AGAP1: variants seen among roughly 807,000 people sequenced by gnomAD.
AGAP1 encodes arf-GAP with GTPase, ANK repeat and PH domain-containing protein 1.
Under a neutral mutation model 105.3 loss-of-function variants are expected in AGAP1, and 29 were observed. The ratio of observed to expected loss-of-function variants is 0.28; its 90% CI spans 0.21 to 0.38. The LOEUF is 0.38. Among genes scored for constraint, AGAP1 ranks in the 10% least tolerant of loss-of-function variants. The pLI is 1.00. For missense variants in AGAP1, 998 were observed against 1,165.1 expected (o/e 0.86, Z 2.09); for synonymous variants, 509 against 485.9 (o/e 1.05, Z -0.63).
chr2:236,004,919 A>C (rs940980522), intron 13 of AGAP1, among the ~76,000 whole-genome samples: 2 of 152,260 alleles, frequency 1.3e-5, no homozygotes, highest in African/African-American at 4.8e-5. Flanking sequence ...TTAACTTGGC[A>C]GTGTTACTCT....
At chr2:235,638,995 G>A (rs969335191) in intron 1 of AGAP1, among the ~76,000 whole-genome samples, 2 of 152,146 alleles carry the variant, frequency 1.3e-5, no homozygotes, top group East Asian at 1.9e-4. Context: ...CCACTGGGGG[G>A]CAGAATCACC....
In AGAP1 at chr2:235,970,562, G is replaced by A. The variant is rs1194753517; in HGVS notation, c.1645+1939G>A. ...ACAGGCCTTGTTCTCACTTTCACAG[G>A]CACGCGTCTTCTTGCATTTGTTGTG... is the stretch of plus-strand genomic sequence containing the variant. On this transcript the variant is annotated intron_variant, in intron 13 of 17. Transcript: ENST00000304032. The surrounding 1 kb of genome is among the most constrained non-coding windows in gnomAD (Gnocchi z 5.4). Among the ~76,000 whole-genome samples the A allele has an allele frequency of 2.6e-5, 4 of 152,200 alleles. No individual in the cohort carries two copies. Among genetic ancestry groups the A allele is most frequent in the African/African-American group, 7.2e-5 (3 of 41,454 alleles).
chr2:235,731,310 C>G (rs1951934149), intron 3 of AGAP1, among the ~76,000 whole-genome samples: 1 of 152,206 alleles, frequency 6.6e-6, no homozygotes, highest in Admixed American at 6.5e-5. Flanking sequence ...ACTTGCTTAC[C>G]TGGAAGCTCT....
At chr2:235,902,220 G>C (rs1185082896) in intron 10 of AGAP1, among the ~76,000 whole-genome samples, 3 of 152,288 alleles carry the variant, frequency 2.0e-5, no homozygotes, top group Middle Eastern at 3.4e-3. Context: ...CAGATGTGTG[G>C]TTGGAAGAGG....
chr2:236,049,617 T>G (rs1350873647), intron 16 of AGAP1: 1 of 174,206 alleles, frequency 5.7e-6, no homozygotes, highest in Admixed American at 5.8e-5. Flanking sequence ...ATTATGAATT[T>G]TTGATCCTTT....
rs2055100137 is a variant in AGAP1 at position 235,981,620 on chromosome 2, AATT to A, written c.1645+13001_1645+13003del. 6.6e-6 allele frequency among the ~76,000 whole-genome samples: 1 copy of A among 152,188 alleles called. No homozygotes were observed. Among genetic ancestry groups the A allele is most frequent in the African/African-American group, 2.4e-5 (1 of 41,432 alleles). On this transcript the variant is annotated intron_variant, in intron 13 of 17. Transcript: ENST00000304032. The surrounding 1 kb of genome is among the most constrained non-coding windows in gnomAD (Gnocchi z 5.5). ...ATCTATTAGCAATAATATCACTATC[AATT>A]ATTGACCACTGCCATGTGTCAGGCA...
intron 9 of AGAP1, among the ~76,000 whole-genome samples, chr2:235,839,239 A>G (rs1006620199): frequency 6.6e-6 from 1 of 152,220 alleles, no homozygotes; most frequent in African/African-American, 2.4e-5. Context: ...TTCCATTTAA[A>G]TATGGCACAA....
At chr2:235,681,066 T>G (rs1353349548) in intron 1 of AGAP1, among the ~76,000 whole-genome samples, 4 of 152,198 alleles carry the variant, frequency 2.6e-5, no homozygotes, top group East Asian at 3.9e-4. Flanking sequence ...TGGAGTGCAG[T>G]GGCGCCATCT....
In AGAP1 at chr2:235,754,411, T is replaced by A. The variant is rs554655695; in HGVS notation, c.673+3923T>A. Among the ~76,000 whole-genome samples, 1 of 149,322 alleles carries A rather than the reference T, an allele frequency of 6.7e-6. No homozygotes were observed. The highest frequency in any genetic ancestry group is 6.7e-5 in the Admixed American group (1 of 14,864). On this transcript the variant is annotated intron_variant, in intron 6 of 17. Coordinates refer to ENST00000304032, the MANE Select transcript of AGAP1 (RefSeq NM_001037131.3). This position sits in a 1 kb window ranked among gnomAD's most constrained non-coding sequence, Gnocchi z 4.6. ...GGAAAAGCGTGTAATTTCTACATAA[T>A]GTTTGGCTTGTAAATAAAAAAAAAA...
chr2:235,506,998 C>T (rs1403878623), intron 1 of AGAP1: 1 of 153,124 alleles, frequency 6.5e-6, no homozygotes, highest in African/African-American at 2.4e-5. Context: ...CTGAGTCTTT[C>T]TCCCTGGAGC....
At position 236,051,998 on chromosome 2, in the gene AGAP1, T is replaced by TCAC. The variant is rs1293268564; in HGVS notation, c.2114+2717_2114+2718insCAC. On this transcript the variant is annotated intron_variant, in intron 16 of 17. Coordinates refer to ENST00000304032, the MANE Select transcript of AGAP1 (RefSeq NM_001037131.3). This position sits in a 1 kb window ranked among gnomAD's most constrained non-coding sequence, Gnocchi z 5.9. ...TCCGCAAGCCGGTCTGTCCATGACG[T>TCAC]GAGAAGATTCTGCCTTTCGAAGCCA... 1.3e-5 allele frequency among the ~76,000 whole-genome samples: 2 copies of TCAC among 152,140 alleles called. No individual in the cohort carries two copies. The highest frequency in any genetic ancestry group is 4.8e-5 in the African/African-American group (2 of 41,432).
In AGAP1 at chr2:235,608,683, G is replaced by A. The variant is rs1482052622; in HGVS notation, c.164-100496G>A. Among the ~76,000 whole-genome samples the A allele has an allele frequency of 6.6e-6, 1 of 152,184 alleles. No homozygotes were observed. The highest frequency in any genetic ancestry group is 1.5e-5 in the Non-Finnish European group (1 of 68,020). ...GGAACGAGGTCTCTGGATTCCGGACGCCCTGCTGCTACTTGGCCTCCAACC... is the reference window on the plus strand; with the variant it reads ...GGAACGAGGTCTCTGGATTCCGGACACCCTGCTGCTACTTGGCCTCCAACC... On this transcript the variant is annotated intron_variant, in intron 1 of 17. Transcript: ENST00000304032. The surrounding 1 kb of genome is among the most constrained non-coding windows in gnomAD (Gnocchi z 5.4).
rs1314871083 is a variant in AGAP1 at position 235,555,937 on chromosome 2, A to G, written c.163+61088A>G. 6.6e-6 allele frequency among the ~76,000 whole-genome samples: 1 copy of G among 152,232 alleles called. No individual in the cohort carries two copies. Among genetic ancestry groups the G allele is most frequent in the Admixed American group, 6.5e-5 (1 of 15,288 alleles). ...GGGGCACCTGCTCTGGGCCATGTAC[A>G]CAATGAGGCAAAGCAATACTTAGAC... On this transcript the variant is annotated intron_variant, in intron 1 of 17. Transcript: ENST00000304032. The surrounding 1 kb of genome is among the most constrained non-coding windows in gnomAD (Gnocchi z 5.1).
intron 1 of AGAP1, chr2:235,670,362 G>A (rs1246295240): frequency 3.8e-6 from 2 of 531,266 alleles, no homozygotes; most frequent in African/African-American, 4.0e-5. Flanking sequence ...CCCCGGCCGC[G>A]CGCTTGGGAT....
At chr2:235,527,069 G>A (rs1433881717) in intron 1 of AGAP1, among the ~76,000 whole-genome samples, 1 of 152,202 alleles carries the variant, frequency 6.6e-6, no homozygotes, top group African/African-American at 2.4e-5. Context: ...AGTAGTTGCT[G>A]TGTGACAAGT....
rs1319567118 is a variant in AGAP1, at chr2:236,105,275, C to G, written c.2115-14917C>G. On this transcript the variant is annotated intron_variant, in intron 16 of 17. Coordinates refer to ENST00000304032, the MANE Select transcript of AGAP1 (RefSeq NM_001037131.3). The surrounding 1 kb of genome is among the most constrained non-coding windows in gnomAD (Gnocchi z 4.2). Reference sequence around the variant, plus strand: ...AGAACCCTGCATGCACACAGTCTTGCGTCAACTTCAGTTTTAACACGATAG... The same window carrying G: ...AGAACCCTGCATGCACACAGTCTTGGGTCAACTTCAGTTTTAACACGATAG... Among the ~76,000 whole-genome samples, 1 of 152,050 alleles carries G rather than the reference C, an allele frequency of 6.6e-6. No homozygotes were observed. Among genetic ancestry groups the G allele is most frequent in the Non-Finnish European group, 1.5e-5 (1 of 68,014 alleles).
At chr2:236,069,062 G>T (rs1460288470) in intron 16 of AGAP1, among the ~76,000 whole-genome samples, 3 of 151,722 alleles carry the variant, frequency 2.0e-5, no homozygotes, top group Admixed American at 6.6e-5. Context: ...GCGAGGTGAA[G>T]GTTGCAGTGA....
In AGAP1 at chr2:236,121,624, A is replaced by C. The variant is rs184991676; in HGVS notation, c.2370+1177A>C. Among the ~76,000 whole-genome samples the C allele has an allele frequency of 5.2e-4, 79 of 152,250 alleles. No homozygotes were observed. Among genetic ancestry groups the C allele is most frequent in the Non-Finnish European group, 9.3e-4 (63 of 68,028 alleles). ...TTGATCTGACTTTTTTGATGGGTGC[A>C]GTTGGTGAATGAGTGAGATATAGAC... On this transcript the variant is annotated intron_variant, in intron 17 of 17. Coordinates refer to ENST00000304032, the MANE Select transcript of AGAP1 (RefSeq NM_001037131.3). The surrounding 1 kb of genome is among the most constrained non-coding windows in gnomAD (Gnocchi z 4.9).
rs1417942817 is a variant in AGAP1 at position 236,055,195 on chromosome 2, G to A, written c.2114+5914G>A. On this transcript the variant is annotated intron_variant, in intron 16 of 17. Transcript: ENST00000304032. The surrounding 1 kb of genome is among the most constrained non-coding windows in gnomAD (Gnocchi z 6.2). ...ATGCAGAGGGTTCAGGGAGCTGGGG[G>A]CTCGTTTGGAGTTTTAATCAGCCTG... is the stretch of plus-strand genomic sequence containing the variant. Among the ~76,000 whole-genome samples the A allele has an allele frequency of 1.3e-5, 2 of 152,138 alleles. No homozygotes were observed. The highest frequency in any genetic ancestry group is 1.3e-4 in the Admixed American group (2 of 15,280).
Sources: allele counts gnomAD v4.1 joint callset (sites outside exome capture counted in the v4.1 genomes callset), GRCh38; gene constraint gnomAD v4.1.1; non-coding constraint Gnocchi (gnomAD v3.1); transcripts MANE v1.5; gene names NCBI Gene and HGNC (gene_info 2026-07-23, HGNC 2026-07-21).